DAB2IP: variants seen among roughly 807,000 people sequenced by gnomAD.
DAB2IP encodes disabled homolog 2-interacting protein.
Under a neutral mutation model 107.2 loss-of-function variants are expected in DAB2IP, and 28 were observed. The ratio of observed to expected loss-of-function variants is 0.26; its 90% CI spans 0.19 to 0.36. DAB2IP has a LOEUF of 0.36. Among genes scored for constraint, DAB2IP ranks in the 10% least tolerant of loss-of-function variants. The pLI is 1.00. For synonymous variants in DAB2IP, 755 were observed against 706.4 expected (o/e 1.07, Z -1.09); for missense variants, 1,400 against 1,644.7 (o/e 0.85, Z 2.57).
chr9:121,779,323 G>A (rs574326457), intron 14 of DAB2IP, among the ~76,000 whole-genome samples: 2 of 152,204 alleles, frequency 1.3e-5, no homozygotes, highest in East Asian at 1.9e-4. Flanking sequence ...TTGTTTTCAT[G>A]TCCTTGTCTA....
At chr9:121,646,576 C>T (rs955457503) in intron 1 of DAB2IP, among the ~76,000 whole-genome samples, 5 of 141,752 alleles carry the variant, frequency 3.5e-5, no homozygotes, top group African/African-American at 7.8e-5. Flanking sequence ...TCCTGGGAGG[C>T]GGATGTGTGC....
At chr9:121,732,938 A>G (rs1033205193) in intron 3 of DAB2IP, among the ~76,000 whole-genome samples, 4 of 152,314 alleles carry the variant, frequency 2.6e-5, no homozygotes, top group East Asian at 3.9e-4. Flanking sequence ...TTTGTTGGTG[A>G]TGATAAAGCC....
At chr9:121,709,142 C>CT (rs2118770579) in intron 3 of DAB2IP, among the ~76,000 whole-genome samples, 1 of 152,340 alleles carries the variant, frequency 6.6e-6, no homozygotes, top group Non-Finnish European at 1.5e-5. Flanking sequence ...TTGAGATTCT[C>CT]TATTTCAGTA....
At chr9:121,739,822 G>A (rs1268618358) in intron 3 of DAB2IP, among the ~76,000 whole-genome samples, 2 of 152,130 alleles carry the variant, frequency 1.3e-5, no homozygotes, top group African/African-American at 4.8e-5. Flanking sequence ...TATGGGAGTG[G>A]AAAGAATCAC....
upstream of DAB2IP, among the ~76,000 whole-genome samples, chr9:121,648,204 C>A (rs964481544): frequency 6.6e-6 from 1 of 152,124 alleles, no homozygotes; most frequent in Non-Finnish European, 1.5e-5. Context: ...CAAATCACCA[C>A]TGAAGAACTT....
intron 10 of DAB2IP, among the ~76,000 whole-genome samples, chr9:121,768,878 C>G (rs1269778799): frequency 6.6e-6 from 1 of 152,232 alleles, no homozygotes; most frequent in Non-Finnish European, 1.5e-5. Flanking sequence ...TCCGCATGCA[C>G]TCAGCCTTTA....
At chr9:121,679,569 C>G (rs12005159) in intron 2 of DAB2IP, among the ~76,000 whole-genome samples, 31,118 of 151,910 alleles carry the variant, frequency 0.2, 5,496 homozygotes, top group African/African-American at 0.48. Context: ...CCTTTCTCCA[C>G]GGAGCTCAGG....
intron 1 of DAB2IP, chr9:121,576,165 G>C (rs1288209558): frequency 2.6e-5 from 4 of 152,188 alleles, no homozygotes; most frequent in African/African-American, 9.7e-5. Context: ...GCCAGAAGGG[G>C]CCACTCATAG....
chr9:121,695,888 G>C (rs542236053), intron 2 of DAB2IP, among the ~76,000 whole-genome samples: 1 of 151,946 alleles, frequency 6.6e-6, no homozygotes, highest in East Asian at 1.9e-4. Flanking sequence ...TTGTTTTTTT[G>C]AGATGGAATC....
At chr9:121,658,453 T>C (rs891792220) in intron 1 of DAB2IP, among the ~76,000 whole-genome samples, 2 of 152,256 alleles carry the variant, frequency 1.3e-5, no homozygotes, top group African/African-American at 4.8e-5. Context: ...GCAGCCGAGA[T>C]GCCCACGTAT....
At chr9:121,749,292 G>C (rs1055852490) in intron 3 of DAB2IP, among the ~76,000 whole-genome samples, 1 of 152,230 alleles carries the variant, frequency 6.6e-6, no homozygotes, top group African/African-American at 2.4e-5. Flanking sequence ...ATTCCCAGCA[G>C]GTCAGTGCAT....
rs1017817686 is a variant in DAB2IP, at chr9:121,711,207, G to T, written c.362+11749G>T. On this transcript the variant is annotated intron_variant, in intron 3 of 15. Transcript: ENST00000408936. Reference sequence around the variant, plus strand: ...GTGTTTTCCCGAACTGGGTTCCATGGAACACATTCTTAAAGATGTTAATGG... The same window carrying T: ...GTGTTTTCCCGAACTGGGTTCCATGTAACACATTCTTAAAGATGTTAATGG... Among the ~76,000 whole-genome samples, 4 of 152,130 alleles carry T rather than the reference G, an allele frequency of 2.6e-5. No homozygotes were observed. In the East Asian group the frequency reaches 7.7e-4, roughly 29 times the overall value.
intron 1 of DAB2IP, among the ~76,000 whole-genome samples, chr9:121,579,008 T>G (rs971484345): frequency 1.3e-5 from 2 of 152,072 alleles, no homozygotes; most frequent in African/African-American, 4.8e-5. Context: ...GGGCTTTCTC[T>G]TGGGGCACCA....
rs1564128772 is a variant in DAB2IP, at chr9:121,642,018, TCTCTCTC to T, written c.41-36659_41-36653del. On this transcript the variant is annotated intron_variant, in intron 1 of 16. Coordinates refer to the DAB2IP transcript ENST00000259371. ...CTTTCTCTCTCTCTCTCTCTCTCTC[TCTCTCTC>T]TCTCTCTTTCTTTCTTTCTTTCTTT... is the stretch of plus-strand genomic sequence containing the variant. 6.6e-4 allele frequency among the ~76,000 whole-genome samples: 20 copies of T among 30,500 alleles called. 1 individual carries two copies. The highest frequency in any genetic ancestry group is 2.9e-3 in the African/African-American group (20 of 6,912). The allele number at this position is 30,500 out of a possible 152,430, so 20.0% of individuals were successfully genotyped here.
chr9:121,772,532 G>T lies in DAB2IP; in HGVS notation c.2079-75G>T, dbSNP rs1157102395. Reference sequence around the variant, plus strand: ...CCCGGCAGGTTGGCGGGTGCTGTCGGTTTGGACCCGCCTTGGCTGCACTCA... The same window carrying T: ...CCCGGCAGGTTGGCGGGTGCTGTCGTTTTGGACCCGCCTTGGCTGCACTCA... On this transcript the variant is annotated intron_variant, in intron 11 of 15. Transcript: ENST00000408936. The surrounding 1 kb of genome is among the most constrained non-coding windows in gnomAD (Gnocchi z 4.7). 5 of 1,522,518 alleles carry T rather than the reference G, an allele frequency of 3.3e-6. No individual in the cohort carries two copies. Among genetic ancestry groups the T allele is most frequent in the Non-Finnish European group, 4.4e-6 (5 of 1,123,634 alleles). The allele number at this position is 1,522,518 out of a possible 1,614,324, so 94.3% of individuals were successfully genotyped here.
intron 1 of DAB2IP, among the ~76,000 whole-genome samples, chr9:121,670,424 G>A (rs539540606): frequency 6.6e-6 from 1 of 152,356 alleles, no homozygotes; most frequent in East Asian, 1.9e-4. Context: ...TCAGCAGGCT[G>A]CGTTCTTTTC....
exon 12 of DAB2IP, chr9:121,773,303 G>A (rs1364240951): frequency 1.1e-5 from 7 of 656,742 alleles, no homozygotes; most frequent in East Asian, 4.9e-5. Flanking sequence ...CCCCACCCCC[G>A]CCGCCACCTC....
intron 14 of DAB2IP, among the ~76,000 whole-genome samples, chr9:121,777,570 C>T (rs931293926): frequency 6.6e-6 from 1 of 152,208 alleles, no homozygotes; most frequent in Non-Finnish European, 1.5e-5. Context: ...TTAACACGTT[C>T]GTTTCTACTA....
Position 121,776,507 on chromosome 9 carries a change from G to A in DAB2IP, c.3314+116G>A. On this transcript the variant is annotated intron_variant, in intron 14 of 15. Coordinates refer to ENST00000408936, the Ensembl canonical transcript of DAB2IP. The surrounding 1 kb of genome is among the most constrained non-coding windows in gnomAD (Gnocchi z 5.4). ...AAAGGATAAGCTGAATGTGGAGAGA[G>A]GAGGGAAGAGAGTGTCTGGGCAGTG... 1.7e-6 allele frequency: 2 copies of A among 1,203,496 alleles called. No individual in the cohort carries two copies. The highest frequency in any genetic ancestry group is 3.2e-5 in the South Asian group (2 of 62,294). 74.6% of individuals were successfully genotyped at this position (1,203,496 alleles called of 1,614,324 possible).
Sources: gnomAD v4.1 joint callset for allele counts (sites outside exome capture counted in the v4.1 genomes callset) on GRCh38, gnomAD v4.1.1 for gene constraint, Gnocchi (gnomAD v3.1) non-coding constraint, MANE v1.5 for transcripts, NCBI Gene and HGNC (gene_info 2026-07-23, HGNC 2026-07-21) for gene names.